The following STRN variants were observed in gnomAD, a reference collection of about 807,000 sequenced individuals.
STRN encodes the protein protein phosphatase 2 regulatory subunit B'''alpha.
Under a neutral mutation model 96.3 loss-of-function variants are expected in STRN, and 53 were observed. The observed-to-expected ratio is 0.55, with a 90% CI of 0.44 to 0.69. The LOEUF is 0.69. Ranked by LOEUF, STRN falls within the 30% of genes least tolerant of loss-of-function variation. The pLI is 0.00. For missense variants in STRN, 987 were observed against 963.9 expected (o/e 1.02, Z -0.32); for synonymous variants, 428 against 355.9 (o/e 1.20, Z -2.28).
At chr2:36,948,121 T>G (rs544349479) in intron 1 of STRN, among the ~76,000 whole-genome samples, 2 of 89,162 alleles carry the variant, frequency 2.2e-5, no homozygotes, top group Non-Finnish European at 4.6e-5. Flanking sequence ...TTTTTTTTTG[T>G]GACAGAGTCT....
In STRN at chr2:36,883,918, T is replaced by C. The variant is rs1380452134; in HGVS notation, c.1186+14A>G. On this transcript the variant is annotated intron_variant, in intron 9 of 17. Coordinates refer to ENST00000263918, the MANE Select transcript of STRN (RefSeq NM_003162.4). ...CAAGTGCATTTTGTGCTCCAGAGTA[T>C]CTTAAATACTTACCTTCATCTGCCC... 9 of 1,339,318 alleles carry C rather than the reference T, an allele frequency of 6.7e-6. No homozygotes were observed. The highest frequency in any genetic ancestry group is 7.7e-6 in the Non-Finnish European group (8 of 1,036,606). 83.0% of individuals were successfully genotyped at this position (1,339,318 alleles called of 1,614,324 possible). A position where few individuals can be genotyped will look rare whatever the true frequency, so the allele number is the denominator to read the frequency against.
chr2:36,893,741 T>TAC (rs963964564), intron 7 of STRN, among the ~76,000 whole-genome samples, 157 bp downstream of exon 7: 1 of 152,100 alleles, frequency 6.6e-6, no homozygotes, highest in African/African-American at 2.4e-5. Flanking sequence ...TCCTTAAACA[T>TAC]ACACACACAT....
chr2:36,875,908 C>G (rs891405735), intron 10 of STRN, among the ~76,000 whole-genome samples: 1 of 152,106 alleles, frequency 6.6e-6, no homozygotes, highest in African/African-American at 2.4e-5. Context: ...CTGCCCGCCT[C>G]GGCCTCCCAA....
In STRN at chr2:36,923,162, A is replaced by C. The variant is rs150173896; in HGVS notation, c.338+1943T>G. Among the ~76,000 whole-genome samples the C allele has an allele frequency of 3.9e-4, 58 of 150,162 alleles. 1 individual carries two copies. In the East Asian group the frequency reaches 0.01, roughly 27 times the overall value. The stretch of plus-strand genomic sequence containing the variant: ...TCTGAAAAAAAAAAAAAAATCTCAA[A>C]TACTCGGCCAGGTACATTCGCTCAC... On this transcript the variant is annotated intron_variant, in intron 2 of 17. Coordinates refer to ENST00000263918, the MANE Select transcript of STRN (RefSeq NM_003162.4).
intron 7 of STRN, among the ~76,000 whole-genome samples, chr2:36,890,882 G>A (rs547624510): frequency 6.6e-6 from 1 of 152,224 alleles, no homozygotes; most frequent in East Asian, 1.9e-4. Flanking sequence ...GAAGTCAGCT[G>A]GACTTAGAAG....
intron 3 of STRN, among the ~76,000 whole-genome samples, chr2:36,913,343 A>G (rs867460168): frequency 3.9e-5 from 6 of 152,172 alleles, no homozygotes; most frequent in Middle Eastern, 3.4e-3. Flanking sequence ...CTCTCCCACT[A>G]CTATCCAGGT....
At chr2:36,865,206 G>C (rs1668591004) in intron 12 of STRN, among the ~76,000 whole-genome samples, 1 of 152,156 alleles carries the variant, frequency 6.6e-6, no homozygotes, top group South Asian at 2.1e-4. Context: ...GTTTAGTCTT[G>C]GGACGTTGTT....
chr2:36,909,242 G>A (rs867540435), intron 3 of STRN, among the ~76,000 whole-genome samples: 1 of 151,468 alleles, frequency 6.6e-6, no homozygotes, highest in East Asian at 1.9e-4. Context: ...GGCTAAGCTC[G>A]CAGTTCTTTC....
chr2:36,935,754 A>G (rs1199328711), intron 1 of STRN, among the ~76,000 whole-genome samples: 1 of 152,250 alleles, frequency 6.6e-6, no homozygotes, highest in Non-Finnish European at 1.5e-5. Flanking sequence ...CGGTTATTCA[A>G]TGTTATTTGA....
At chr2:36,919,827 T>C (rs957374677) in intron 2 of STRN, among the ~76,000 whole-genome samples, 17 of 152,198 alleles carry the variant, frequency 1.1e-4, no homozygotes, top group African/African-American at 3.6e-4. Flanking sequence ...TATATAGTAT[T>C]TGAGGTTCCT....
At chr2:36,897,180 AAAAAT>A (rs1292235698) in intron 6 of STRN, among the ~76,000 whole-genome samples, 1 of 151,928 alleles carries the variant, frequency 6.6e-6, no homozygotes, top group Non-Finnish European at 1.5e-5. Flanking sequence ...AAAAAAAAAG[AAAAAT>A]AAAATAAAAT....
chr2:36,957,742 G>GTTTTTTTTTTTTTTTTTTTTTTTT (rs1158709835), intron 1 of STRN, among the ~76,000 whole-genome samples: 5 of 103,132 alleles, frequency 4.8e-5, no homozygotes, highest in African/African-American at 7.1e-5. Context: ...TCTTCTTTTT[G>GTTTTTTTTTTTTTTTTTTTTTTTT]TCTTTTTTTT....
At position 36,841,949 on chromosome 2, in the gene STRN, TG is replaced by T. The variant is rs1448927906; in HGVS notation, c.*7506del. 1 of 152,212 alleles carries T rather than the reference TG, an allele frequency of 6.6e-6. No individual in the cohort carries two copies. Among genetic ancestry groups the T allele is most frequent in the African/African-American group, 2.4e-5 (1 of 41,458 alleles). The allele number at this position is 152,212 out of a possible 1,614,324, so 9.4% of individuals were successfully genotyped here. On this transcript the variant is annotated 3_prime_UTR_variant, in exon 18 of 18. Coordinates refer to ENST00000263918, the MANE Select transcript of STRN (RefSeq NM_003162.4). Reference sequence around the variant, plus strand: ...CACAGGGTCAGTTGCTTCTCCTTTTTGGTAAGGTACTTCTTTCCCCACACTC... The same window carrying T: ...CACAGGGTCAGTTGCTTCTCCTTTTTGTAAGGTACTTCTTTCCCCACACTC...
At chr2:36,856,927 C>A (rs902996391) in intron 14 of STRN, among the ~76,000 whole-genome samples, 18 of 152,060 alleles carry the variant, frequency 1.2e-4, no homozygotes, top group African/African-American at 4.3e-4. Context: ...CTTTGACTTC[C>A]ACCATGATTG....
In STRN at chr2:36,905,548, T is replaced by C; in HGVS notation, c.483A>G (p.Leu161=). The part of the protein sequence containing the change: ...SQLMWKQGRQ[L]LRQYLQEVGY... ...CACCATGAGACACTTACTGTCTGAGTAGTTGTCGACCTTGTTTCCACATTA... is the reference window on the plus strand; with the variant it reads ...CACCATGAGACACTTACTGTCTGAGCAGTTGTCGACCTTGTTTCCACATTA... The change falls in exon 4 of 18, where the codon CTA becomes CTG. Residue 161 remains leucine, a synonymous_variant. Coordinates refer to ENST00000263918, the MANE Select transcript of STRN (RefSeq NM_003162.4). 6.2e-7 allele frequency: 1 copy of C among 1,613,666 alleles called. No homozygotes were observed. The highest frequency in any genetic ancestry group is 8.5e-7 in the Non-Finnish European group (1 of 1,179,724).
intron 1 of STRN, among the ~76,000 whole-genome samples, chr2:36,939,141 A>G (rs1317847462): frequency 6.6e-6 from 1 of 152,062 alleles, no homozygotes; most frequent in Non-Finnish European, 1.5e-5. Context: ...ACGTGGAATT[A>G]CAGGTCAGGT....
At chr2:36,873,439 A>G (rs1166100524) in intron 10 of STRN, among the ~76,000 whole-genome samples, 3 of 152,202 alleles carry the variant, frequency 2.0e-5, no homozygotes, top group Non-Finnish European at 2.9e-5. Flanking sequence ...GAACATCTGT[A>G]GTCCCAGGTA....
At chr2:36,884,621 A>C (rs1669163236) in intron 8 of STRN, among the ~76,000 whole-genome samples, 1 of 152,154 alleles carries the variant, frequency 6.6e-6, no homozygotes, top group Non-Finnish European at 1.5e-5. Context: ...TACAAGTTTA[A>C]TTAAGAATGG....
At chr2:36,946,910 T>C (rs1434135296) in intron 1 of STRN, among the ~76,000 whole-genome samples, 1 of 152,136 alleles carries the variant, frequency 6.6e-6, no homozygotes, top group Non-Finnish European at 1.5e-5. Context: ...TTCTTTTTTT[T>C]TTTGAGACGG....
Sources: gnomAD v4.1 joint callset for allele counts (sites outside exome capture counted in the v4.1 genomes callset) on GRCh38, gnomAD v4.1.1 for gene constraint, MANE v1.5 for transcripts, NCBI Gene and HGNC (gene_info 2026-07-23, HGNC 2026-07-21) for gene names.